NEK11: variants seen among roughly 807,000 people sequenced by gnomAD.
NEK11 encodes the protein serine/threonine-protein kinase Nek11.
Under a neutral mutation model 80.7 loss-of-function variants are expected in NEK11, and 72 were observed. The ratio of observed to expected loss-of-function variants is 0.89; its 90% CI spans 0.74 to 1.08. The LOEUF is 1.08. Among genes scored for constraint, NEK11 ranks in the 50% least tolerant of loss-of-function variants. The pLI is 0.00. For missense variants in NEK11, 764 were observed against 763.6 expected (o/e 1.00, Z -0.01); for synonymous variants, 251 against 260.7 (o/e 0.96, Z 0.36).
At chr3:131,345,890 G>A (rs2110506064) in intron 17 of NEK11, among the ~76,000 whole-genome samples, 1 of 152,122 alleles carries the variant, frequency 6.6e-6, no homozygotes, top group Middle Eastern at 3.4e-3. Context: ...GGATAGACCT[G>A]GAGGACATTA....
At chr3:131,160,625 G>A (rs953001650) in intron 10 of NEK11, among the ~76,000 whole-genome samples, 1 of 152,098 alleles carries the variant, frequency 6.6e-6, no homozygotes, top group African/African-American at 2.4e-5. Flanking sequence ...CAATTAAAAG[G>A]CACAGTGTCG....
At chr3:131,311,157 T>C (rs2096778704) in intron 17 of NEK11, among the ~76,000 whole-genome samples, 1 of 152,210 alleles carries the variant, frequency 6.6e-6, no homozygotes, top group African/African-American at 2.4e-5. Flanking sequence ...TACATATTTA[T>C]GGGATACATG....
intron 14 of NEK11, among the ~76,000 whole-genome samples, chr3:131,180,593 T>C (rs976077996): frequency 1.3e-5 from 2 of 152,210 alleles, no homozygotes; most frequent in African/African-American, 4.8e-5. Flanking sequence ...AAATCCCTTG[T>C]TACCTAGGTC....
intron 17 of NEK11, among the ~76,000 whole-genome samples, chr3:131,300,534 T>G (rs2096649779): frequency 6.6e-6 from 1 of 152,236 alleles, no homozygotes; most frequent in African/African-American, 2.4e-5. Context: ...AAGTCTTTAA[T>G]CCATCTTGAG....
In NEK11 at chr3:131,109,894, T is replaced by C. The variant is rs776096000; in HGVS notation, c.428T>C (p.Leu143Pro). ...NQIIEWFIQL[L>P]LGVDYMHERR... is the part of the protein sequence containing the mutation. ...ATAATAGAATGGTTTATCCAGCTGC[T>C]GCTGGGAGTTGACTACATGCATGAG... Residue 143 changes from leucine (L) to proline (P), a missense_variant, in exon 5 of 18, where the codon CTG (leucine) becomes CCG (proline). Coordinates refer to ENST00000383366, the MANE Select transcript of NEK11 (RefSeq NM_024800.5). 12 of 1,600,984 alleles carry C rather than the reference T, an allele frequency of 7.5e-6. No individual in the cohort carries two copies. The African/African-American group carries it at 1.6e-4, about 22-fold the overall frequency.
Position 131,162,046 on chromosome 3 carries a change from C to T in NEK11, c.963-362C>T, listed in dbSNP as rs190224599. On this transcript the variant is annotated intron_variant, in intron 10 of 17. Coordinates refer to ENST00000383366, the MANE Select transcript of NEK11 (RefSeq NM_024800.5). The stretch of plus-strand genomic sequence containing the variant: ...TGGTGGAGGTGGGATTCGAACCCTG[C>T]CTAACTCTAAAGATTATGTGTTTTA... 2.6e-5 allele frequency among the ~76,000 whole-genome samples: 4 copies of T among 152,060 alleles called. No individual in the cohort carries two copies. The South Asian group carries it at 6.2e-4, about 24-fold the overall frequency.
intron 3 of NEK11, among the ~76,000 whole-genome samples, chr3:131,063,988 A>G (rs1419685954): frequency 6.6e-6 from 1 of 152,258 alleles, no homozygotes; most frequent in African/African-American, 2.4e-5. Flanking sequence ...ATAGAATATT[A>G]TTTAGCCATG....
At chr3:131,131,002 G>A (rs978944169) in intron 5 of NEK11, among the ~76,000 whole-genome samples, 7 of 152,002 alleles carry the variant, frequency 4.6e-5, no homozygotes, top group South Asian at 2.1e-4. Flanking sequence ...GAGTTTCACC[G>A]TGTTGGCCAG....
intron 17 of NEK11, 92 bp downstream of exon 17, chr3:131,273,666 C>A: frequency 1.1e-6 from 1 of 920,948 alleles, no homozygotes; most frequent in Non-Finnish European, 1.7e-6. Flanking sequence ...TGTCTTAGTC[C>A]ATTTGTGCTG....
intron 14 of NEK11, among the ~76,000 whole-genome samples, chr3:131,199,874 G>A (rs1219677441): frequency 5.9e-5 from 9 of 152,078 alleles, no homozygotes; most frequent in Admixed American, 5.9e-4. Context: ...AATTACAGAA[G>A]AAAGGGCAAA....
intron 17 of NEK11, among the ~76,000 whole-genome samples, chr3:131,305,842 T>A (rs774135907): frequency 3.3e-5 from 5 of 152,126 alleles, no homozygotes; most frequent in African/African-American, 4.8e-5. Flanking sequence ...TTCTTCCCCT[T>A]ACAGCTAAGC....
chr3:131,158,388 T>A (rs1241863246), intron 10 of NEK11, among the ~76,000 whole-genome samples: 1 of 152,132 alleles, frequency 6.6e-6, no homozygotes, highest in African/African-American at 2.4e-5. Context: ...CTGCTACTGC[T>A]GCTGACAGGA....
chr3:131,245,135 G>C (rs6794728), intron 16 of NEK11, among the ~76,000 whole-genome samples: 26,323 of 151,902 alleles, frequency 0.17, 4,866 homozygotes, highest in African/African-American at 0.46. Flanking sequence ...ACTCCACACT[G>C]TATATCCATA....
Position 131,071,864 on chromosome 3 carries a change from CTAAG to C in NEK11, c.171-8550_171-8547del, listed in dbSNP as rs148036598. On this transcript the variant is annotated intron_variant, in intron 3 of 17. Transcript: ENST00000383366. ...AATTAGTAGACTCATTAACTGCTTT[CTAAG>C]TAAGTAAGACATAGCCCAGTTCTCA... Among the ~76,000 whole-genome samples the C allele has an allele frequency of 1.1e-3, 175 of 152,192 alleles. 2 individuals carry two copies. Among genetic ancestry groups the C allele is most frequent in the Non-Finnish European group, 2.1e-3 (146 of 68,002 alleles).
Position 131,349,851 on chromosome 3 carries a change from CTAT to C in NEK11, c.*79_*81del. 9.0e-7 allele frequency: 1 copy of C among 1,111,468 alleles called. No homozygotes were observed. The highest frequency in any genetic ancestry group is 1.3e-6 in the Non-Finnish European group (1 of 748,970). The allele number at this position is 1,111,468 out of a possible 1,614,324, so 68.9% of individuals were successfully genotyped here. ...ATTCATTTAACATATAAGCTGAACTCTATTATGGGGAATGGATACAAAAGCAGA... is the reference window on the plus strand; with the variant it reads ...ATTCATTTAACATATAAGCTGAACTCTATGGGGAATGGATACAAAAGCAGA... On this transcript the variant is annotated 3_prime_UTR_variant, in exon 18 of 18. Coordinates refer to ENST00000383366, the MANE Select transcript of NEK11 (RefSeq NM_024800.5).
intron 7 of NEK11, among the ~76,000 whole-genome samples, chr3:131,147,225 C>G (rs1159625220): frequency 6.6e-6 from 1 of 151,950 alleles, no homozygotes; most frequent in African/African-American, 2.4e-5. Flanking sequence ...TATAATTGAT[C>G]TGTGTGTGTA....
intron 3 of NEK11, among the ~76,000 whole-genome samples, chr3:131,072,041 C>G (rs192851860): frequency 1.3e-5 from 2 of 152,320 alleles, no homozygotes; most frequent in Admixed American, 1.3e-4. Context: ...ATCTCTTCTT[C>G]TTTAAACATC....
At chr3:131,035,977 T>G (rs759299416) in intron 3 of NEK11, among the ~76,000 whole-genome samples, 7 of 152,168 alleles carry the variant, frequency 4.6e-5, no homozygotes, top group Non-Finnish European at 8.8e-5. Flanking sequence ...ATATTGAAAG[T>G]AATGTGTATA....
rs972652519 is a variant in NEK11 at position 131,162,594 on chromosome 3, G to A, written c.1082+67G>A. 4.4e-6 allele frequency: 7 copies of A among 1,582,788 alleles called. No individual in the cohort carries two copies. The African/African-American group carries it at 8.2e-5, about 19-fold the overall frequency. On this transcript the variant is annotated intron_variant, in intron 11 of 17. Transcript: ENST00000383366. ...TCTCAGGGCTCTCAGGGAATTTACAGAGAAAAGCAAAAACCAAAACAGGAA... is the reference window on the plus strand; with the variant it reads ...TCTCAGGGCTCTCAGGGAATTTACAAAGAAAAGCAAAAACCAAAACAGGAA...
Sources: gnomAD v4.1 joint callset for allele counts (sites outside exome capture counted in the v4.1 genomes callset) on GRCh38, gnomAD v4.1.1 for gene constraint, MANE v1.5 for transcripts, NCBI Gene and HGNC (gene_info 2026-07-23, HGNC 2026-07-21) for gene names.